SERPINI1: variants seen among roughly 807,000 people sequenced by gnomAD.
The protein encoded by SERPINI1 is neuroserpin.
A neutral mutation model predicts 41.1 loss-of-function variants in SERPINI1; 19 were observed. The observed-to-expected ratio is 0.46, with a 90% CI of 0.32 to 0.68. The LOEUF (loss-of-function observed/expected upper bound fraction) is 0.68, where lower values mean the gene tolerates loss of function less well. SERPINI1 is among the 30% of genes least tolerant of loss of function. SERPINI1 has a pLI of 0.03. For missense variants in SERPINI1, 460 were observed against 479.2 expected, an observed-to-expected ratio of 0.96 and a Z score of 0.37; for synonymous variants, 138 against 156.6, an observed-to-expected ratio of 0.88 and a Z score of 0.89.
intron 6 of SERPINI1, among the ~76,000 whole-genome samples, chr3:167,816,132 T>G (rs79260040): frequency 0.02 from 3,101 of 152,228 alleles, 97 homozygotes; most frequent in African/African-American, 0.069. Context: ...AACCTCAACC[T>G]TCTTGAGCTC....
At chr3:167,801,228 T>G (rs9290321) in intron 5 of SERPINI1, among the ~76,000 whole-genome samples, 16,695 of 152,296 alleles carry the variant, frequency 0.11, 987 homozygotes, top group Non-Finnish European at 0.13. Flanking sequence ...ATATATTTGT[T>G]ATTTTCTAAC....
chr3:167,799,816 A>G (rs1376039512), intron 5 of SERPINI1, among the ~76,000 whole-genome samples: 1 of 151,974 alleles, frequency 6.6e-6, no homozygotes. Flanking sequence ...GCTTTTTTTC[A>G]TATGTTTGTT....
intron 1 of SERPINI1, among the ~76,000 whole-genome samples, chr3:167,786,742 T>C (rs35446777): frequency 0.13 from 19,162 of 152,146 alleles, 1,446 homozygotes; most frequent in African/African-American, 0.21. Context: ...ATAAATTAAC[T>C]TTCACTTACT....
intron 1 of SERPINI1, among the ~76,000 whole-genome samples, chr3:167,753,088 G>A (rs1577400238): frequency 6.6e-6 from 1 of 152,088 alleles, no homozygotes; most frequent in South Asian, 2.1e-4. Context: ...CATGTCCAGG[G>A]CCCAGTACAC....
intron 1 of SERPINI1, among the ~76,000 whole-genome samples, chr3:167,759,795 G>A (rs1199552496): frequency 6.6e-6 from 1 of 152,074 alleles, no homozygotes; most frequent in Non-Finnish European, 1.5e-5. Flanking sequence ...AGTAATGAAT[G>A]AGACTGAGTT....
chr3:167,780,143 T>G (rs1022004426), intron 1 of SERPINI1, among the ~76,000 whole-genome samples: 2 of 152,184 alleles, frequency 1.3e-5, no homozygotes, highest in Non-Finnish European at 2.9e-5. Context: ...AACAACGGTT[T>G]AAACCTTTTT....
At chr3:167,787,907 C>T (rs1394467793) in intron 1 of SERPINI1, among the ~76,000 whole-genome samples, 1 of 152,160 alleles carries the variant, frequency 6.6e-6, no homozygotes, top group Non-Finnish European at 1.5e-5. Flanking sequence ...AATTCATAAG[C>T]CTGTTGGAAT....
intron 5 of SERPINI1, among the ~76,000 whole-genome samples, chr3:167,800,391 T>TA (rs1437593098): frequency 6.6e-6 from 1 of 152,240 alleles, no homozygotes; most frequent in Non-Finnish European, 1.5e-5. Context: ...TCCTGGTATT[T>TA]ACACTGTGTT....
At position 167,825,261 on chromosome 3, in the gene SERPINI1, A is replaced by G; in HGVS notation, c.1171A>G (p.Met391Val). Residue 391 changes from methionine (M) to valine (V), a missense_variant, in exon 9 of 9, where the codon ATG becomes GTG. By Grantham distance (21) the Met-to-Val change is conservative. Transcript: ENST00000446050. Reference sequence around the variant, plus strand: ...AACCAATACAGGTACAATTCTATTCATGGGACGAGTCATGCATCCTGAAAC... The same window carrying G: ...AACCAATACAGGTACAATTCTATTCGTGGGACGAGTCATGCATCCTGAAAC... ...RNRRTGTILF[M>V]GRVMHPETMN... 1.2e-6 allele frequency: 2 copies of G among 1,612,620 alleles called. No individual in the cohort carries two copies. Among genetic ancestry groups the G allele is most frequent in the Non-Finnish European group, 1.7e-6 (2 of 1,178,688 alleles).
chr3:167,814,952 A>C (rs545887297), intron 6 of SERPINI1, among the ~76,000 whole-genome samples: 1 of 152,248 alleles, frequency 6.6e-6, no homozygotes, highest in South Asian at 2.1e-4. Context: ...ACAAAAAACT[A>C]TTTGCCTTTG....
chr3:167,750,007 A>G lies in SERPINI1; in HGVS notation c.-19+14184A>G, dbSNP rs78026197. Among the ~76,000 whole-genome samples, 1,516 of 152,306 alleles carry G rather than the reference A, an allele frequency of 1.0e-2. 85 individuals carry two copies. The East Asian group carries it at 0.14, about 14-fold the overall frequency. On this transcript the variant is annotated intron_variant, in intron 1 of 8. Coordinates refer to ENST00000446050, the MANE Select transcript of SERPINI1 (RefSeq NM_001122752.2). ...GTTTTAAAAAATGACCTTCAGGCAT[A>G]AGAAAGAGGATTAATTGTTACATTT...
Position 167,738,462 on chromosome 3 carries a change from T to C in SERPINI1, c.-19+2639T>C, listed in dbSNP as rs151193767. Reference sequence around the variant, plus strand: ...CAAGACTTAAAGGTTCAAGATCAAATGGTTTTGGTAAAGAAGGATACAGGG... The same window carrying C: ...CAAGACTTAAAGGTTCAAGATCAAACGGTTTTGGTAAAGAAGGATACAGGG... On this transcript the variant is annotated intron_variant, in intron 1 of 8. Transcript: ENST00000446050. Among the ~76,000 whole-genome samples the C allele has an allele frequency of 1.6e-3, 242 of 152,174 alleles. 1 individual carries two copies. Among genetic ancestry groups the C allele is most frequent in the African/African-American group, 5.8e-3 (241 of 41,542 alleles).
chr3:167,771,835 G>C (rs562825781), intron 1 of SERPINI1, among the ~76,000 whole-genome samples: 2 of 132,908 alleles, frequency 1.5e-5, no homozygotes, highest in Non-Finnish European at 3.3e-5. Flanking sequence ...GTGTGTGCGC[G>C]TGTGTGTGTG....
chr3:167,747,311 G>T (rs1391027128), intron 1 of SERPINI1, among the ~76,000 whole-genome samples: 1 of 152,144 alleles, frequency 6.6e-6, no homozygotes, highest in African/African-American at 2.4e-5. Context: ...TCTAAAATTA[G>T]ATCTTGGTGA....
intron 1 of SERPINI1, among the ~76,000 whole-genome samples, chr3:167,787,709 A>G (rs1727359074): frequency 6.6e-6 from 1 of 152,208 alleles, no homozygotes; most frequent in Non-Finnish European, 1.5e-5. Flanking sequence ...TTCCTAAACA[A>G]GCAATAACTA....
rs758630825 is a variant in SERPINI1 at position 167,790,535 on chromosome 3, T to A, written c.414T>A (p.His138Gln). 9 of 1,614,044 alleles carry A rather than the reference T, an allele frequency of 5.6e-6. No homozygotes were observed. The East Asian group carries it at 2.0e-4, about 36-fold the overall frequency. ...AATATTTTAATGCAGCAGTAAATCA[T>A]GTGGACTTCAGTCAAAATGTAGCCG... ...MKKYFNAAVN[H>Q]VDFSQNVAVA... is the part of the protein sequence containing the mutation. Residue 138 changes from histidine to glutamine, a missense_variant, in exon 3 of 9, where the codon CAT (histidine) becomes CAA (glutamine). His to Gln is a conservative substitution (Grantham distance 24, BLOSUM62 0). Coordinates refer to ENST00000446050, the MANE Select transcript of SERPINI1 (RefSeq NM_001122752.2).
intron 1 of SERPINI1, among the ~76,000 whole-genome samples, chr3:167,766,325 A>T (rs959143139): frequency 6.6e-6 from 1 of 151,994 alleles, no homozygotes; most frequent in Admixed American, 6.6e-5. Flanking sequence ...CACATCTTAT[A>T]TGGATGGCAG....
intron 6 of SERPINI1, among the ~76,000 whole-genome samples, chr3:167,815,593 T>A (rs769787367): frequency 1.3e-4 from 20 of 152,260 alleles, no homozygotes; most frequent in South Asian, 2.1e-4. Context: ...TTTCACCATG[T>A]GGGCCAGGCT....
At position 167,771,816 on chromosome 3, in the gene SERPINI1, TGA is replaced by T. The variant is rs796473487; in HGVS notation, c.-18-17293_-18-17292del. ...AGTTTAAAACTAGATGGACTGTGTG[TGA>T]GTGTGTGTGTGTGCGCGTGTGTGTG... On this transcript the variant is annotated intron_variant, in intron 1 of 8. Coordinates refer to ENST00000446050, the MANE Select transcript of SERPINI1 (RefSeq NM_001122752.2). 3.3e-3 allele frequency among the ~76,000 whole-genome samples: 490 copies of T among 150,256 alleles called. 2 individuals are homozygous for T. Among genetic ancestry groups the T allele is most frequent in the African/African-American group, 0.012 (471 of 40,458 alleles).
Sources: allele counts gnomAD v4.1 joint callset (sites outside exome capture counted in the v4.1 genomes callset), GRCh38; gene constraint gnomAD v4.1.1; transcripts MANE v1.5; gene names NCBI Gene and HGNC (gene_info 2026-07-23, HGNC 2026-07-21).